The following LRRTM4 variants were observed in gnomAD, a reference collection of about 807,000 sequenced individuals.
The protein encoded by LRRTM4 is leucine rich repeat transmembrane neuronal 4, also known as leucine-rich repeat transmembrane neuronal protein 4.
LRRTM4 carries 25 observed loss-of-function variants against 47.6 expected under a neutral mutation model. The ratio of observed to expected loss-of-function variants is 0.53; its 90% CI spans 0.38 to 0.73. The LOEUF is 0.73. LRRTM4 is among the 30% of genes least tolerant of loss of function. The pLI is 0.00. For missense variants in LRRTM4, 638 were observed against 713.4 expected, an observed-to-expected ratio of 0.89 and a Z score of 1.20; for synonymous variants, 311 against 269.5, an observed-to-expected ratio of 1.15 and a Z score of -1.51.
chr2:76,970,891 T>G (rs1676194545), intron 3 of LRRTM4, among the ~76,000 whole-genome samples: 1 of 151,936 alleles, frequency 6.6e-6, no homozygotes, highest in Non-Finnish European at 1.5e-5. Context: ...ACAAGAACAG[T>G]GTGGAGTTAC....
At chr2:77,384,418 T>A (rs1673183439) in intron 3 of LRRTM4, among the ~76,000 whole-genome samples, 2 of 151,898 alleles carry the variant, frequency 1.3e-5, no homozygotes, top group Admixed American at 1.3e-4. Context: ...TATTAGGATA[T>A]TATAAGAAAT....
intron 3 of LRRTM4, chr2:76,987,622 A>G (rs1194194817): frequency 1.3e-5 from 2 of 151,982 alleles, no homozygotes; most frequent in Non-Finnish European, 1.5e-5. Context: ...ATTGTAAAAT[A>G]TATTCATCTC....
intron 3 of LRRTM4, among the ~76,000 whole-genome samples, chr2:77,362,822 A>G (rs1672293815): frequency 6.6e-6 from 1 of 152,244 alleles, no homozygotes; most frequent in African/African-American, 2.4e-5. Flanking sequence ...TAGGCAAGAA[A>G]AAACATGCCT....
chr2:77,013,884 C>T, intron 3 of LRRTM4, among the ~76,000 whole-genome samples: 1 of 152,124 alleles, frequency 6.6e-6, no homozygotes, highest in South Asian at 2.1e-4. Context: ...GACAGGTTAC[C>T]TAATTTCTCA....
intron 3 of LRRTM4, among the ~76,000 whole-genome samples, chr2:77,337,639 T>C (rs1671215560): frequency 6.6e-6 from 1 of 152,026 alleles, no homozygotes; most frequent in South Asian, 2.1e-4. Flanking sequence ...GGTACTTGCT[T>C]CTCCTTTGCC....
At chr2:77,107,883 C>CTCTTGGT (rs1040053097) in intron 3 of LRRTM4, among the ~76,000 whole-genome samples, 2 of 149,572 alleles carry the variant, frequency 1.3e-5, no homozygotes, top group Non-Finnish European at 3.0e-5. Flanking sequence ...TTCTGTATAG[C>CTCTTGGT]TCTTGGTTTA....
chr2:76,873,993 T>C (rs1417021601), intron 3 of LRRTM4, among the ~76,000 whole-genome samples: 1 of 152,004 alleles, frequency 6.6e-6, no homozygotes. Context: ...ATAAAAATTT[T>C]TGGAGTCCAA....
intron 3 of LRRTM4, among the ~76,000 whole-genome samples, chr2:77,273,914 A>G (rs1573179213): frequency 1.3e-5 from 2 of 152,250 alleles, no homozygotes; most frequent in African/African-American, 4.8e-5. Context: ...TGCACCACAC[A>G]TATTTCTTAC....
chr2:77,167,375 A>C (rs183507270), intron 3 of LRRTM4, among the ~76,000 whole-genome samples: 1 of 152,336 alleles, frequency 6.6e-6, no homozygotes, highest in East Asian at 1.9e-4. Flanking sequence ...TAGTTCAACC[A>C]TTGTGGAAGA....
chr2:76,981,421 G>A (rs1201713028), intron 3 of LRRTM4, among the ~76,000 whole-genome samples: 1 of 152,062 alleles, frequency 6.6e-6, no homozygotes, highest in Admixed American at 6.6e-5. Flanking sequence ...AGAGACAGCT[G>A]GGCTTTGCAA....
At chr2:77,216,388 C>T (rs910631154) in intron 3 of LRRTM4, among the ~76,000 whole-genome samples, 27 of 151,978 alleles carry the variant, frequency 1.8e-4, no homozygotes, top group South Asian at 6.2e-4. Flanking sequence ...GTATTTGGGC[C>T]GGGCGCGGTA....
At chr2:76,976,472 A>G (rs1676422160) in intron 3 of LRRTM4, among the ~76,000 whole-genome samples, 1 of 151,658 alleles carries the variant, frequency 6.6e-6, no homozygotes, top group Non-Finnish European at 1.5e-5. Context: ...TTATGAGACA[A>G]AATGTTAACT....
intron 3 of LRRTM4, among the ~76,000 whole-genome samples, chr2:77,298,100 C>G (rs963607811): frequency 6.6e-6 from 1 of 152,130 alleles, no homozygotes; most frequent in South Asian, 2.1e-4. Flanking sequence ...GATCAAGAGA[C>G]GAATGGATTA....
intron 3 of LRRTM4, among the ~76,000 whole-genome samples, chr2:76,944,839 G>C (rs1301465432): frequency 2.0e-5 from 3 of 151,978 alleles, no homozygotes; most frequent in Non-Finnish European, 4.4e-5. Flanking sequence ...GAGTGATTTA[G>C]AAAACAATCA....
At chr2:77,432,299 C>G (rs1675412047) in intron 3 of LRRTM4, among the ~76,000 whole-genome samples, 1 of 152,154 alleles carries the variant, frequency 6.6e-6, no homozygotes. Context: ...GGATTCATTC[C>G]TGTGTCTCCC....
rs551340378 is a variant in LRRTM4 at position 76,997,381 on chromosome 2, T to C, written c.1552-248465A>G. 2.6e-4 allele frequency among the ~76,000 whole-genome samples: 40 copies of C among 152,048 alleles called. 1 individual carries two copies. In the South Asian group the frequency reaches 6.0e-3, roughly 23 times the overall value. ...TAAGTTTGATGATTTAAAAATCTCTTATTTGCCTTAGTTTGTTGAGATGTT... is the reference window on the plus strand; with the variant it reads ...TAAGTTTGATGATTTAAAAATCTCTCATTTGCCTTAGTTTGTTGAGATGTT... On this transcript the variant is annotated intron_variant, in intron 3 of 3. Coordinates refer to ENST00000409884, the MANE Select transcript of LRRTM4 (RefSeq NM_001134745.3).
intron 3 of LRRTM4, among the ~76,000 whole-genome samples, chr2:77,294,040 A>T (rs1676902172): frequency 6.6e-6 from 1 of 152,190 alleles, no homozygotes; most frequent in Admixed American, 6.6e-5. Flanking sequence ...ACATATATGT[A>T]TACCACATAG....
At chr2:77,102,626 G>A (rs1670987172) in intron 3 of LRRTM4, among the ~76,000 whole-genome samples, 1 of 152,134 alleles carries the variant, frequency 6.6e-6, no homozygotes, top group Non-Finnish European at 1.5e-5. Context: ...ATTACAGTTA[G>A]TTTCAAGCCA....
At chr2:76,992,198 T>C (rs1360671388) in intron 3 of LRRTM4, among the ~76,000 whole-genome samples, 2 of 151,864 alleles carry the variant, frequency 1.3e-5, no homozygotes, top group East Asian at 3.9e-4. Flanking sequence ...GGGCAAATGC[T>C]GGAAGCATTA....
Sources: allele counts gnomAD v4.1 joint callset (sites outside exome capture counted in the v4.1 genomes callset), GRCh38; gene constraint gnomAD v4.1.1; transcripts MANE v1.5; gene names NCBI Gene and HGNC (gene_info 2026-07-23, HGNC 2026-07-21).